The following ANKRD55 variants were observed in gnomAD, a reference collection of about 807,000 sequenced individuals.
ANKRD55 encodes the protein ankyrin repeat domain 55.
ANKRD55 carries 41 observed loss-of-function variants against 60.6 expected under a neutral mutation model. That is an observed-to-expected ratio of 0.68 (90% CI 0.53 to 0.88). ANKRD55 has a LOEUF of 0.88. Among genes scored for constraint, ANKRD55 ranks in the 40% least tolerant of loss-of-function variants. The probability of loss-of-function intolerance (pLI) is 0.00; values close to 1 mark genes in which losing one functional copy is unlikely to be tolerated. For missense variants in ANKRD55, 732 were observed against 767.6 expected, an observed-to-expected ratio of 0.95 and a Z score of 0.55; for synonymous variants, 264 against 290.3, an observed-to-expected ratio of 0.91 and a Z score of 0.92.
chr5:56,123,950 A>G (rs1580956025), intron 8 of ANKRD55, among the ~76,000 whole-genome samples: 1 of 152,304 alleles, frequency 6.6e-6, no homozygotes, highest in East Asian at 1.9e-4. Flanking sequence ...AGGGCCCATG[A>G]TTCAGAAGGA....
intron 2 of ANKRD55, among the ~76,000 whole-genome samples, chr5:56,184,242 C>G (rs749480363): frequency 1.3e-5 from 2 of 152,164 alleles, no homozygotes; most frequent in Admixed American, 1.3e-4. Context: ...GTGCCGTGTT[C>G]GGCAGGAGCC....
In ANKRD55 at chr5:56,099,772, G is replaced by GT. The variant is rs572374829; in HGVS notation, c.*410dup. 884 of 152,166 alleles carry GT rather than the reference G, an allele frequency of 5.8e-3. 4 individuals are homozygous for GT. Among genetic ancestry groups the GT allele is most frequent in the African/African-American group, 0.014 (572 of 40,130 alleles). 9.4% of individuals were successfully genotyped at this position (152,166 alleles called of 1,614,324 possible). ...TGAAGACATGTTTGTCTGGGATGTG[G>GT]TTTTTTTTTTGTTTTGTTTTTTGCT... On this transcript the variant is annotated 3_prime_UTR_variant, in exon 12 of 12. Coordinates refer to ENST00000341048, the MANE Select transcript of ANKRD55 (RefSeq NM_024669.3).
At chr5:56,135,643 A>G (rs1757578452) in intron 7 of ANKRD55, among the ~76,000 whole-genome samples, 1 of 152,134 alleles carries the variant, frequency 6.6e-6, no homozygotes, top group Non-Finnish European at 1.5e-5. Context: ...TGCTAGGATT[A>G]CAGGCGTGAG....
intron 3 of ANKRD55, among the ~76,000 whole-genome samples, chr5:56,181,028 T>C (rs1217456739): frequency 1.3e-5 from 2 of 152,140 alleles, no homozygotes; most frequent in Non-Finnish European, 2.9e-5. Flanking sequence ...TGGTGAAACC[T>C]GTCTCTACTA....
chr5:56,148,693 C>G (rs1757960775), intron 6 of ANKRD55, among the ~76,000 whole-genome samples: 2 of 151,900 alleles, frequency 1.3e-5, no homozygotes, highest in Non-Finnish European at 2.9e-5. Context: ...TTTTCTGAAC[C>G]AGAAATCTGC....
rs569660384 is a variant in ANKRD55, at chr5:56,114,044, G to C, written c.966-2262C>G. On this transcript the variant is annotated intron_variant, in intron 9 of 11. Coordinates refer to ENST00000341048, the MANE Select transcript of ANKRD55 (RefSeq NM_024669.3). The stretch of plus-strand genomic sequence containing the variant: ...ATAAAAATATATTAAAATGAATAAA[G>C]TGGGCCAGGCGTGGTGGCTCACGCC... Among the ~76,000 whole-genome samples, 22 of 148,656 alleles carry C rather than the reference G, an allele frequency of 1.5e-4. No homozygotes were observed. The South Asian group carries it at 4.5e-3, about 30-fold the overall frequency.
intron 11 of ANKRD55, 26 bp from the exon 12 acceptor site, chr5:56,100,330 A>G (rs1404339205): frequency 6.2e-7 from 1 of 1,613,476 alleles, no homozygotes; most frequent in Non-Finnish European, 8.5e-7. Context: ...AGAACAAGAG[A>G]CTTTCAAGAT....
At chr5:56,117,017 C>A (rs1756906227) in intron 8 of ANKRD55, 1 of 401,130 alleles carries the variant, frequency 2.5e-6, no homozygotes. Flanking sequence ...GCCTTTCTAA[C>A]AATTTCCTAG....
At chr5:56,110,398 C>CAAAT (rs1756647213) in intron 10 of ANKRD55, among the ~76,000 whole-genome samples, 1 of 151,806 alleles carries the variant, frequency 6.6e-6, no homozygotes, top group Non-Finnish European at 1.5e-5. Flanking sequence ...GACCTTGTCT[C>CAAAT]AAATAAATAA....
intron 7 of ANKRD55, among the ~76,000 whole-genome samples, chr5:56,141,150 T>TA (rs1554039008): frequency 1.4e-5 from 2 of 146,696 alleles, no homozygotes; most frequent in African/African-American, 2.6e-5. Flanking sequence ...TTTTTTTTTT[T>TA]ATATAGAGAT....
At chr5:56,111,084 C>G (rs1225360139) in intron 10 of ANKRD55, 34 bp downstream of exon 10, 1 of 1,591,522 alleles carries the variant, frequency 6.3e-7, no homozygotes, top group East Asian at 2.2e-5. Flanking sequence ...AGTATAGAGC[C>G]TGCTGAGAAT....
chr5:56,193,355 GT>G, intron 2 of ANKRD55: 1 of 773,178 alleles, frequency 1.3e-6, no homozygotes, highest in Admixed American at 2.2e-5. Context: ...TCATCCCTTT[GT>G]TTCAGAACAC....
intron 5 of ANKRD55, chr5:56,161,936 G>T: frequency 2.1e-6 from 2 of 974,372 alleles, no homozygotes; most frequent in Non-Finnish European, 2.4e-6. Flanking sequence ...TTCACCACTG[G>T]ATATATTTCC....
At chr5:56,128,399 T>C (rs2111724852) in intron 7 of ANKRD55, among the ~76,000 whole-genome samples, 1 of 152,318 alleles carries the variant, frequency 6.6e-6, no homozygotes, top group Non-Finnish European at 1.5e-5. Flanking sequence ...TAAACTGAAA[T>C]AGAGGCTGCT....
chr5:56,189,262 C>T (rs1759038360), intron 2 of ANKRD55, among the ~76,000 whole-genome samples: 1 of 145,710 alleles, frequency 6.9e-6, no homozygotes, highest in African/African-American at 2.5e-5. Context: ...AGTGAGCCAA[C>T]ATCGCGCCAC....
At chr5:56,224,268 A>G (rs1760048578) in intron 2 of ANKRD55, among the ~76,000 whole-genome samples, 1 of 151,568 alleles carries the variant, frequency 6.6e-6, no homozygotes, top group African/African-American at 2.4e-5. Context: ...AGGCAGAAAT[A>G]AAGATGTTCT....
chr5:56,135,276 C>T lies in ANKRD55; in HGVS notation c.613-8170G>A, dbSNP rs879793346. On this transcript the variant is annotated intron_variant, in intron 7 of 11. Coordinates refer to ENST00000341048, the MANE Select transcript of ANKRD55 (RefSeq NM_024669.3). The stretch of plus-strand genomic sequence containing the variant: ...CTTCCTTCCTTCTTTCCCTCCCTCC[C>T]TCCCTGCCTGCCTGCTTGCTTTCTT... 9.7e-3 allele frequency among the ~76,000 whole-genome samples: 902 copies of T among 93,224 alleles called. 20 individuals are homozygous for T. The highest frequency in any genetic ancestry group is 0.015 in the Admixed American group (119 of 7,938). 61.2% of individuals were successfully genotyped at this position (93,224 alleles called of 152,430 possible).
At chr5:56,188,070 C>CTGATT (rs1759013711) in intron 2 of ANKRD55, among the ~76,000 whole-genome samples, 1 of 152,158 alleles carries the variant, frequency 6.6e-6, no homozygotes, top group South Asian at 2.1e-4. Context: ...AGCCCACAGG[C>CTGATT]TGATTCAGTG....
intron 10 of ANKRD55, among the ~76,000 whole-genome samples, chr5:56,109,509 C>A (rs1184073973): frequency 1.3e-5 from 2 of 150,906 alleles, no homozygotes; most frequent in Non-Finnish European, 2.9e-5. Flanking sequence ...TGCTTTTGAA[C>A]AATGGTTCAA....
Sources: allele counts gnomAD v4.1 joint callset (sites outside exome capture counted in the v4.1 genomes callset), GRCh38; gene constraint gnomAD v4.1.1; transcripts MANE v1.5; gene names NCBI Gene and HGNC (gene_info 2026-07-23, HGNC 2026-07-21).